The following CYREN variants were observed in gnomAD, a reference collection of about 807,000 sequenced individuals.
CYREN encodes cell cycle regulator of non-homologous end joining.
CYREN carries 7 observed loss-of-function variants against 9.7 expected under a neutral mutation model. That is an observed-to-expected ratio of 0.72 (90% CI 0.41 to 1.36). CYREN has a LOEUF of 1.36. Ranked by LOEUF, CYREN falls within the 40% of genes most tolerant of loss-of-function variation. The pLI, the probability that CYREN is intolerant of heterozygous loss-of-function variation, is 0.01. For synonymous variants in CYREN, 76 were observed against 77.9 expected (o/e 0.98, Z 0.13); for missense variants, 215 against 198.1 (o/e 1.09, Z -0.51).
At chr7:135,146,203 A>C (rs1380937268) in intron 2 of CYREN, among the ~76,000 whole-genome samples, 1 of 152,210 alleles carries the variant, frequency 6.6e-6, no homozygotes, top group Admixed American at 6.5e-5. Flanking sequence ...AAATGGAGGA[A>C]CGTCCAGTTG....
chr7:135,104,503 A>G (rs1478669991), intron 2 of CYREN, among the ~76,000 whole-genome samples: 1 of 152,006 alleles, frequency 6.6e-6, no homozygotes, highest in Non-Finnish European at 1.5e-5. Context: ...AGGAATCACC[A>G]TACTGCTTTC....
At chr7:135,133,241 T>C (rs1829044525) in intron 2 of CYREN, among the ~76,000 whole-genome samples, 1 of 152,210 alleles carries the variant, frequency 6.6e-6, no homozygotes, top group Non-Finnish European at 1.5e-5. Flanking sequence ...TTTTACAGGG[T>C]TTCTATGCTG....
downstream of CYREN, among the ~76,000 whole-genome samples, chr7:135,161,085 C>T (rs1475586231): frequency 2.0e-5 from 3 of 152,288 alleles, no homozygotes; most frequent in East Asian, 3.9e-4. This position sits in a 1 kb window ranked among gnomAD's most constrained non-coding sequence, Gnocchi z 4.1. Context: ...CAGATGATGG[C>T]GAGCCTCATA....
intron 2 of CYREN, chr7:135,135,308 G>A: frequency 1.4e-6 from 2 of 1,387,374 alleles, no homozygotes; most frequent in Non-Finnish European, 1.9e-6. Flanking sequence ...GATAACATAT[G>A]CTTATGTAGT....
intron 2 of CYREN, among the ~76,000 whole-genome samples, chr7:135,112,468 C>T (rs375523262): frequency 1.3e-5 from 2 of 152,218 alleles, no homozygotes; most frequent in African/African-American, 4.8e-5. Flanking sequence ...AATTATTCTA[C>T]ACCACACTTG....
intron 2 of CYREN, chr7:135,135,112 G>T: frequency 6.4e-7 from 1 of 1,551,178 alleles, no homozygotes; most frequent in Non-Finnish European, 8.7e-7. Context: ...GGATGCAAAT[G>T]TTCTAAAATA....
At chr7:135,115,329 A>C (rs934961611) in intron 2 of CYREN, 1 of 1,209,910 alleles carries the variant, frequency 8.3e-7, no homozygotes, top group Non-Finnish European at 1.2e-6. Flanking sequence ...CCAATAAGTA[A>C]TTGTGAATAG....
At chr7:135,148,381 C>G (rs1472193150) in intron 2 of CYREN, 1 of 320,320 alleles carries the variant, frequency 3.1e-6, no homozygotes, top group Non-Finnish European at 6.1e-6. Flanking sequence ...CATAGGGGAA[C>G]TCACTGGTTG....
At chr7:135,108,120 G>C (rs1825039935) in intron 2 of CYREN, among the ~76,000 whole-genome samples, 1 of 152,078 alleles carries the variant, frequency 6.6e-6, no homozygotes, top group Non-Finnish European at 1.5e-5. Flanking sequence ...CATGTGAGAT[G>C]GGTCTCTAGA....
At chr7:135,156,814 G>A (rs1399826486) in intron 2 of CYREN, among the ~76,000 whole-genome samples, 1 of 152,138 alleles carries the variant, frequency 6.6e-6, no homozygotes, top group African/African-American at 2.4e-5. Flanking sequence ...AACTTGAATT[G>A]TAGCTCCCAT....
At chr7:135,137,636 T>C (rs1299230150) in intron 2 of CYREN, among the ~76,000 whole-genome samples, 1 of 151,932 alleles carries the variant, frequency 6.6e-6, no homozygotes, top group Non-Finnish European at 1.5e-5. Flanking sequence ...AAGAATTACA[T>C]CAGACATCTC....
At chr7:135,129,332 G>T (rs1276822794) in intron 2 of CYREN, 2 of 1,159,156 alleles carry the variant, frequency 1.7e-6, no homozygotes, top group Non-Finnish European at 2.6e-6. Context: ...TGACTGCAGA[G>T]AAATTAATAG....
intron 2 of CYREN, among the ~76,000 whole-genome samples, chr7:135,140,975 T>TA (rs1250748611): frequency 6.6e-6 from 1 of 152,164 alleles, no homozygotes; most frequent in African/African-American, 2.4e-5. Flanking sequence ...TTGTTGAGGA[T>TA]TTTTTCCTCT....
downstream of CYREN, among the ~76,000 whole-genome samples, chr7:135,161,844 C>CT (rs1156636077): frequency 3.3e-5 from 5 of 152,234 alleles, no homozygotes; most frequent in African/African-American, 1.2e-4. The surrounding 1 kb of genome is among the most constrained non-coding windows in gnomAD (Gnocchi z 4.1). Context: ...CTCCTCCACT[C>CT]TGACTGTCCC....
chr7:135,157,046 C>A (rs1382857237), intron 2 of CYREN, among the ~76,000 whole-genome samples: 2 of 152,210 alleles, frequency 1.3e-5, no homozygotes, highest in Non-Finnish European at 2.9e-5. Flanking sequence ...CCATGTGGAA[C>A]TGTAAGTCCA....
In CYREN at chr7:135,167,458, C is replaced by T. The variant is rs192686904; in HGVS notation, c.213+274G>A. Reference sequence around the variant, plus strand: ...ACGCTTCATGTCCCATCCACATACACACCAGTGCACAGTCACGCTCTCCCT... The same window carrying T: ...ACGCTTCATGTCCCATCCACATACATACCAGTGCACAGTCACGCTCTCCCT... On this transcript the variant is annotated intron_variant, in intron 3 of 3. Coordinates refer to ENST00000393114, the MANE Select transcript of CYREN (RefSeq NM_024033.4). 1.7e-3 allele frequency: 2,297 copies of T among 1,314,248 alleles called. 2 individuals are homozygous for T. Among genetic ancestry groups the T allele is most frequent in the Middle Eastern group, 8.2e-3 (28 of 3,422 alleles). The allele number at this position is 1,314,248 out of a possible 1,614,324, so 81.4% of individuals were successfully genotyped here.
intron 2 of CYREN, among the ~76,000 whole-genome samples, chr7:135,156,945 G>A (rs928124110): frequency 2.0e-5 from 3 of 152,172 alleles, no homozygotes; most frequent in African/African-American, 7.2e-5. Flanking sequence ...GTTCATCAGG[G>A]TTTCTGCTTT....
At chr7:135,096,584 C>CATAGATAGATAGATAGATAGATAGATAG (rs71172496) in intron 2 of CYREN, among the ~76,000 whole-genome samples, 5 of 88,860 alleles carry the variant, frequency 5.6e-5, no homozygotes, top group East Asian at 2.8e-4. Context: ...TAGATAGATA[C>CATAGATAGATAGATAGATAGATAGATAG]ATAGATAGAT....
intron 2 of CYREN, chr7:135,115,581 A>G: frequency 3.2e-6 from 5 of 1,550,602 alleles, no homozygotes; most frequent in Non-Finnish European, 4.4e-6. Context: ...CAGCTATTCA[A>G]TCCAAGAACC....
Sources: gnomAD v4.1 joint callset for allele counts (sites outside exome capture counted in the v4.1 genomes callset) on GRCh38, gnomAD v4.1.1 for gene constraint, Gnocchi (gnomAD v3.1) non-coding constraint, MANE v1.5 for transcripts, NCBI Gene and HGNC (gene_info 2026-07-23, HGNC 2026-07-21) for gene names.